DLG2: variants seen among roughly 807,000 people sequenced by gnomAD.
DLG2 encodes the protein disks large homolog 2.
DLG2 carries 45 observed loss-of-function variants against 132.5 expected under a neutral mutation model. The observed-to-expected ratio is 0.34, with a 90% CI of 0.27 to 0.44. The LOEUF is 0.44. DLG2 is among the 20% of genes least tolerant of loss of function. DLG2 has a pLI of 1.00. For synonymous variants in DLG2, 424 were observed against 419.6 expected (o/e 1.01, Z -0.13); for missense variants, 1,045 against 1,196.9 (o/e 0.87, Z 1.87).
intron 4 of DLG2, among the ~76,000 whole-genome samples, chr11:85,155,469 G>A (rs973594974): frequency 1.3e-5 from 2 of 152,188 alleles, no homozygotes; most frequent in Non-Finnish European, 2.9e-5. Flanking sequence ...TTCTGGAAGA[G>A]GAAGGATCAG....
rs776520040 is a variant in DLG2, at chr11:84,624,857, CT to C, written c.358-90127del. Among the ~76,000 whole-genome samples the C allele has an allele frequency of 6.8e-4, 52 of 76,178 alleles. 2 individuals are homozygous for C. Among genetic ancestry groups the C allele is most frequent in the East Asian group, 9.0e-4 (3 of 3,332 alleles). 50.0% of individuals were successfully genotyped at this position (76,178 alleles called of 152,430 possible). A position where few individuals can be genotyped will look rare whatever the true frequency, so the allele number is the denominator to read the frequency against. On this transcript the variant is annotated intron_variant, in intron 6 of 27. Transcript: ENST00000376104. ...AGTTACCTCTCAGAAGAGAGTCAAC[CT>C]TTTTTTTTTTTTTTTTTGAGACGGA...
At chr11:85,401,917 A>C (rs2088164136) in intron 3 of DLG2, among the ~76,000 whole-genome samples, 1 of 152,172 alleles carries the variant, frequency 6.6e-6, no homozygotes, top group African/African-American at 2.4e-5. Context: ...CATACTGCCC[A>C]AGGTAATTTA....
At chr11:83,569,885 AG>A (rs2096769183) in intron 19 of DLG2, among the ~76,000 whole-genome samples, 1 of 152,248 alleles carries the variant, frequency 6.6e-6, no homozygotes, top group Admixed American at 6.5e-5. Flanking sequence ...AAGCTGCAGC[AG>A]AACTGGGACA....
In DLG2 at chr11:84,030,984, G is replaced by A. The variant is rs1281680223; in HGVS notation, c.919+28331C>T. Among the ~76,000 whole-genome samples the A allele has an allele frequency of 4.6e-5, 7 of 152,116 alleles. No individual in the cohort carries two copies. The East Asian group carries it at 1.2e-3, about 25-fold the overall frequency. On this transcript the variant is annotated intron_variant, in intron 11 of 27. Coordinates refer to ENST00000376104, the MANE Select transcript of DLG2 (RefSeq NM_001142699.3). The stretch of plus-strand genomic sequence containing the variant: ...AATGTGGTCATCCAAAGGAAGCCTT[G>A]CTTCCATCCAGAAAACCATAGTTTT...
At chr11:84,854,957 C>T (rs1385191024) in intron 6 of DLG2, among the ~76,000 whole-genome samples, 1 of 151,976 alleles carries the variant, frequency 6.6e-6, no homozygotes, top group Admixed American at 6.6e-5. Context: ...ATTTTTAAAC[C>T]TCTCTAAGTA....
chr11:83,860,390 G>A (rs1476286659), intron 16 of DLG2, among the ~76,000 whole-genome samples: 3 of 152,138 alleles, frequency 2.0e-5, no homozygotes, highest in Non-Finnish European at 4.4e-5. Flanking sequence ...AGCATGACCT[G>A]GATATGAGAC....
At chr11:84,153,073 A>AT (rs2095342597) in intron 9 of DLG2, among the ~76,000 whole-genome samples, 1 of 152,074 alleles carries the variant, frequency 6.6e-6, no homozygotes, top group Non-Finnish European at 1.5e-5. Context: ...TCTGGAAAGG[A>AT]TTTTATTTCT....
intron 6 of DLG2, among the ~76,000 whole-genome samples, chr11:85,078,651 G>C (rs1366889951): frequency 1.3e-5 from 2 of 152,016 alleles, no homozygotes; most frequent in African/African-American, 4.8e-5. Flanking sequence ...AAAAAGCAGG[G>C]AAGACATTTT....
intron 7 of DLG2, among the ~76,000 whole-genome samples, chr11:84,415,580 T>G (rs764801392): frequency 4.6e-5 from 7 of 152,166 alleles, no homozygotes; most frequent in Non-Finnish European, 7.4e-5. Flanking sequence ...TGAATGCATA[T>G]TGTCATAATT....
At chr11:84,565,860 A>G (rs1021846181) in intron 6 of DLG2, among the ~76,000 whole-genome samples, 1 of 152,136 alleles carries the variant, frequency 6.6e-6, no homozygotes, top group South Asian at 2.1e-4. Flanking sequence ...GATCACTAGA[A>G]TGATCATCAA....
intron 15 of DLG2, among the ~76,000 whole-genome samples, chr11:83,918,488 G>T (rs148554934): frequency 6.6e-6 from 1 of 152,158 alleles, no homozygotes; most frequent in African/African-American, 2.4e-5. Flanking sequence ...GAAAAGGTTT[G>T]TTGCTCCTGA....
At chr11:85,221,369 T>C (rs1189009488) in intron 4 of DLG2, among the ~76,000 whole-genome samples, 1 of 152,128 alleles carries the variant, frequency 6.6e-6, no homozygotes, top group African/African-American at 2.4e-5. Context: ...AAACTTTCTT[T>C]TCTAAAAACT....
chr11:84,597,181 C>G (rs568770161), intron 6 of DLG2, among the ~76,000 whole-genome samples: 1 of 152,120 alleles, frequency 6.6e-6, no homozygotes, highest in South Asian at 2.1e-4. Context: ...GATTGCGCCA[C>G]TGCACTCCAG....
chr11:84,648,710 G>A (rs749435888), intron 6 of DLG2, among the ~76,000 whole-genome samples: 1 of 151,546 alleles, frequency 6.6e-6, no homozygotes, highest in Admixed American at 6.6e-5. Context: ...CTCAACCCCC[G>A]CCCTGTCTCG....
At chr11:84,709,852 C>A (rs1193049834) in intron 6 of DLG2, among the ~76,000 whole-genome samples, 1 of 151,786 alleles carries the variant, frequency 6.6e-6, no homozygotes, top group East Asian at 1.9e-4. Context: ...AATAGAAAAT[C>A]AAATTATTTT....
intron 3 of DLG2, among the ~76,000 whole-genome samples, chr11:85,577,405 T>C (rs1334449377): frequency 1.3e-5 from 2 of 151,898 alleles, no homozygotes; most frequent in Non-Finnish European, 2.9e-5. Flanking sequence ...AAGAGAAAAA[T>C]CAGTGATGTT....
intron 21 of DLG2, among the ~76,000 whole-genome samples, chr11:83,512,684 C>G (rs2095095330): frequency 6.6e-6 from 1 of 151,232 alleles, no homozygotes; most frequent in African/African-American, 2.4e-5. Context: ...CCTCCCCCTT[C>G]CCCCCACCCC....
chr11:84,524,243 T>C (rs2099313349), intron 7 of DLG2, among the ~76,000 whole-genome samples: 1 of 152,214 alleles, frequency 6.6e-6, no homozygotes, highest in East Asian at 1.9e-4. Flanking sequence ...CCTTGATGAC[T>C]TTGGTTCTAA....
intron 6 of DLG2, among the ~76,000 whole-genome samples, chr11:84,624,180 T>C (rs2154542518): frequency 6.6e-6 from 1 of 152,278 alleles, no homozygotes; most frequent in East Asian, 1.9e-4. Context: ...TTTTGTTTTG[T>C]TTTTGTTTTT....
Sources: gnomAD v4.1 joint callset for allele counts (sites outside exome capture counted in the v4.1 genomes callset) on GRCh38, gnomAD v4.1.1 for gene constraint, MANE v1.5 for transcripts, NCBI Gene and HGNC (gene_info 2026-07-23, HGNC 2026-07-21) for gene names.